ROBO1: variants seen among roughly 807,000 people sequenced by gnomAD.
ROBO1 encodes roundabout guidance receptor 1.
In ROBO1, 149 loss-of-function variants were observed where a neutral mutation model predicts 195.9. The observed-to-expected ratio is 0.76, with a 90% confidence interval of 0.67 to 0.87. The LOEUF is 0.87. Ranked by LOEUF, ROBO1 falls within the 40% of genes least tolerant of loss-of-function variation. ROBO1 has a pLI of 0.00. For missense variants in ROBO1, 1,933 were observed against 2,068.3 expected (o/e 0.93, Z 1.27); for synonymous variants, 816 against 733.2 (o/e 1.11, Z -1.82).
intron 10 of ROBO1, among the ~76,000 whole-genome samples, chr3:78,675,850 T>C (rs9831098): frequency 0.3 from 45,152 of 151,884 alleles, 7,351 homozygotes; most frequent in African/African-American, 0.43. Context: ...GCTGGAGATC[T>C]GAGAAAGGGC....
intron 1 of ROBO1, among the ~76,000 whole-genome samples, chr3:79,700,281 A>G (rs1458867039): frequency 2.3e-5 from 3 of 132,922 alleles, no homozygotes; most frequent in Non-Finnish European, 3.2e-5. Flanking sequence ...TAGTGCTGTG[A>G]TGAACACGTG....
At position 79,163,747 on chromosome 3, in the gene ROBO1, T is replaced by G. The variant is rs1362078317; in HGVS notation, c.89-38208A>C. On this transcript the variant is annotated intron_variant, in intron 2 of 30. Transcript: ENST00000464233. ...ATAGAAGCCATTCTGCAGCCTCAAA[T>G]TTTGAGAGGCTTTTACTCATCTTGA... is the stretch of plus-strand genomic sequence containing the variant. Among the ~76,000 whole-genome samples, 6 of 152,064 alleles carry G rather than the reference T, an allele frequency of 3.9e-5. 1 individual carries two copies. The highest frequency in any genetic ancestry group is 2.6e-4 in the Admixed American group (4 of 15,266).
intron 2 of ROBO1, among the ~76,000 whole-genome samples, chr3:79,186,520 A>T (rs913341779): frequency 1.3e-5 from 2 of 151,994 alleles, no homozygotes; most frequent in African/African-American, 4.8e-5. Context: ...ACGTTTCTCA[A>T]TCTGGGCCCT....
chr3:79,401,295 T>C (rs1287104196), intron 2 of ROBO1, among the ~76,000 whole-genome samples: 1 of 151,838 alleles, frequency 6.6e-6, no homozygotes, highest in Non-Finnish European at 1.5e-5. Flanking sequence ...GTGTGGCTAA[T>C]TTGGGTTTTA....
In ROBO1 at chr3:78,989,341, C is replaced by T. The variant is rs568290581; in HGVS notation, c.173-50414G>A. Among the ~76,000 whole-genome samples, 36 of 152,196 alleles carry T rather than the reference C, an allele frequency of 2.4e-4. No homozygotes were observed. The South Asian group carries it at 4.8e-3, about 20-fold the overall frequency. On this transcript the variant is annotated intron_variant, in intron 3 of 30. Transcript: ENST00000464233. ...AAATAAAAAAATTTAAGGTCAGGCA[C>T]GGGGGCTCATGCCTATAATCCTAGC...
At chr3:79,545,888 G>T (rs1942245648) in intron 2 of ROBO1, among the ~76,000 whole-genome samples, 1 of 152,136 alleles carries the variant, frequency 6.6e-6, no homozygotes, top group Admixed American at 6.5e-5. Flanking sequence ...AACATCCTAG[G>T]ATTGTATGCA....
At chr3:79,657,532 C>T (rs1398006512) in intron 1 of ROBO1, among the ~76,000 whole-genome samples, 1 of 151,800 alleles carries the variant, frequency 6.6e-6, no homozygotes, top group Admixed American at 6.6e-5. Flanking sequence ...GTTTCATTTA[C>T]TATGGGAAAT....
chr3:79,499,400 A>C (rs1939932988), intron 2 of ROBO1, among the ~76,000 whole-genome samples: 1 of 152,224 alleles, frequency 6.6e-6, no homozygotes, highest in Non-Finnish European at 1.5e-5. Context: ...TACATCTGTA[A>C]AGCAAACTAA....
chr3:79,120,184 T>C (rs1449075156), intron 3 of ROBO1, among the ~76,000 whole-genome samples: 2 of 151,984 alleles, frequency 1.3e-5, no homozygotes, highest in Non-Finnish European at 2.9e-5. Flanking sequence ...TCCCAGGAAG[T>C]TGGAGAAAAA....
chr3:79,686,928 G>T (rs1478054939), intron 1 of ROBO1, among the ~76,000 whole-genome samples: 1 of 152,102 alleles, frequency 6.6e-6, no homozygotes, highest in Non-Finnish European at 1.5e-5. Flanking sequence ...TGAACCAAAA[G>T]AACAAAGCTG....
At chr3:78,757,385 G>A (rs1307392495) in intron 4 of ROBO1, among the ~76,000 whole-genome samples, 1 of 151,960 alleles carries the variant, frequency 6.6e-6, no homozygotes, top group African/African-American at 2.4e-5. Flanking sequence ...AAAGACTAGA[G>A]TGTTTTCTAA....
intron 1 of ROBO1, among the ~76,000 whole-genome samples, chr3:79,732,294 G>T (rs1198286597): frequency 6.6e-6 from 1 of 151,594 alleles, no homozygotes; most frequent in Non-Finnish European, 1.5e-5. Flanking sequence ...TTTGAGACTA[G>T]ATCAGTCATT....
intron 4 of ROBO1, among the ~76,000 whole-genome samples, chr3:78,769,533 C>T (rs2083313333): frequency 6.7e-6 from 1 of 148,682 alleles, no homozygotes; most frequent in South Asian, 2.2e-4. Context: ...TTAAGTGGAA[C>T]ATTTAGGCCA....
chr3:78,636,973 G>A (rs1259076160), intron 22 of ROBO1, among the ~76,000 whole-genome samples: 5 of 46,850 alleles, frequency 1.1e-4, no homozygotes, highest in Non-Finnish European at 1.8e-4. Flanking sequence ...ATATATATAT[G>A]GCCTGCAGTT....
intron 10 of ROBO1, among the ~76,000 whole-genome samples, chr3:78,674,563 T>TGCTCAATGAAA (rs1708279251): frequency 6.6e-6 from 1 of 152,206 alleles, no homozygotes; most frequent in Non-Finnish European, 1.5e-5. Flanking sequence ...CGAAATCACC[T>TGCTCAATGAAA]TAAAACGCCC....
chr3:79,113,305 G>A (rs1441918233), intron 3 of ROBO1, among the ~76,000 whole-genome samples: 6 of 151,916 alleles, frequency 3.9e-5, no homozygotes, highest in African/African-American at 7.3e-5. Flanking sequence ...TCCATCTTGC[G>A]ACAGTCTGCC....
chr3:79,511,757 C>A (rs1408842370), intron 2 of ROBO1, among the ~76,000 whole-genome samples: 1 of 152,082 alleles, frequency 6.6e-6, no homozygotes, highest in Non-Finnish European at 1.5e-5. Context: ...AGAACAAGAT[C>A]ATGTCTTTTT....
chr3:79,703,217 A>G (rs1398998636), intron 1 of ROBO1, among the ~76,000 whole-genome samples: 1 of 151,918 alleles, frequency 6.6e-6, no homozygotes, highest in Non-Finnish European at 1.5e-5. Context: ...CATATAACAT[A>G]TGAAAATGTC....
intron 1 of ROBO1, among the ~76,000 whole-genome samples, chr3:79,743,084 T>G (rs369186431): frequency 4.9e-4 from 75 of 152,306 alleles, no homozygotes; most frequent in Middle Eastern, 3.4e-3. Context: ...CATCCAACCA[T>G]GACTTTATGG....
Sources: allele counts gnomAD v4.1 joint callset (sites outside exome capture counted in the v4.1 genomes callset), GRCh38; gene constraint gnomAD v4.1.1; transcripts MANE v1.5; gene names NCBI Gene and HGNC (gene_info 2026-07-23, HGNC 2026-07-21).